FOSL2: variants seen among roughly 807,000 people sequenced by gnomAD.
The protein encoded by FOSL2 is fos-related antigen 2.
FOSL2 carries 3 observed loss-of-function variants against 27.7 expected under a neutral mutation model. That is an observed-to-expected ratio of 0.11 (90% CI 0.05 to 0.28). The LOEUF is 0.28. Ranked by LOEUF, FOSL2 falls within the 10% of genes least tolerant of loss-of-function variation. The pLI is 1.00. For synonymous variants in FOSL2, 179 were observed against 190.1 expected, an observed-to-expected ratio of 0.94 and a Z score of 0.48; for missense variants, 333 against 445.1, an observed-to-expected ratio of 0.75 and a Z score of 2.27.
chr2:28,411,584 C>T (rs1269459811), intron 3 of FOSL2, among the ~76,000 whole-genome samples: 1 of 152,202 alleles, frequency 6.6e-6, no homozygotes, highest in Non-Finnish European at 1.5e-5. Flanking sequence ...TCAGTTTCCT[C>T]ATCTGCAAAA....
At chr2:28,405,315 C>G (rs915183239) in intron 2 of FOSL2, among the ~76,000 whole-genome samples, 4 of 152,208 alleles carry the variant, frequency 2.6e-5, no homozygotes, top group African/African-American at 9.7e-5. Flanking sequence ...GAAGTCTGGG[C>G]TAGATCCCAG....
In FOSL2 at chr2:28,416,553, CT is replaced by C. The variant is rs1478054473; in HGVS notation, c.*4106del. On this transcript the variant is annotated 3_prime_UTR_variant, in exon 4 of 4. Coordinates refer to ENST00000264716, the MANE Select transcript of FOSL2 (RefSeq NM_005253.4). ...TGCTGTATAAACTGTATAAAAGGTTCTGTTTTTAAAGGTGGATTTTCATTCC... is the reference window on the plus strand; with the variant it reads ...TGCTGTATAAACTGTATAAAAGGTTCGTTTTTAAAGGTGGATTTTCATTCC... 1 of 147,548 alleles carries C rather than the reference CT, an allele frequency of 6.8e-6. No individual in the cohort carries two copies. The highest frequency in any genetic ancestry group is 2.5e-5 in the African/African-American group (1 of 39,786). 9.1% of individuals were successfully genotyped at this position (147,548 alleles called of 1,614,324 possible).
chr2:28,408,800 G>A lies in FOSL2; in HGVS notation c.396G>A (p.Glu132=). Residue 132 remains glutamate (E), a synonymous_variant, in exon 3 of 4, where the codon GAG becomes GAA. Coordinates refer to ENST00000264716, the MANE Select transcript of FOSL2 (RefSeq NM_005253.4). The surrounding 1 kb of genome is among the most constrained non-coding windows in gnomAD (Gnocchi z 4.1). ...AGGAGAAGCGTCGCATCCGGCGGGA[G>A]AGGAACAAGCTGGCTGCAGCCAAGT... The part of the protein sequence containing the change: ...EEEEKRRIRR[E]RNKLAAAKCR... 6.2e-7 allele frequency: 1 copy of A among 1,612,474 alleles called. No individual in the cohort carries two copies. Among genetic ancestry groups the A allele is most frequent in the South Asian group, 1.1e-5 (1 of 90,670 alleles).
chr2:28,411,401 C>A (rs557617530), intron 3 of FOSL2, among the ~76,000 whole-genome samples: 1 of 152,068 alleles, frequency 6.6e-6, no homozygotes. Flanking sequence ...TTCCGTACCC[C>A]CTTCTCCATG....
intron 1 of FOSL2, among the ~76,000 whole-genome samples, chr2:28,402,920 CAGAG>C (rs1028109650): frequency 2.6e-5 from 4 of 152,224 alleles, no homozygotes; most frequent in South Asian, 2.1e-4. Context: ...GTTCTTCACT[CAGAG>C]AGAGAATTAG....
chr2:28,407,311 T>A (rs2148092628), intron 2 of FOSL2, among the ~76,000 whole-genome samples: 1 of 152,312 alleles, frequency 6.6e-6, no homozygotes, highest in Middle Eastern at 3.4e-3. Flanking sequence ...CAAGACAGGT[T>A]TAGGAGCAGG....
Position 28,413,907 on chromosome 2 carries a change from A to C in FOSL2, c.*1459A>C, listed in dbSNP as rs1664259853. The C allele has an allele frequency of 1.0e-5, 4 of 398,330 alleles. No individual in the cohort carries two copies. The highest frequency in any genetic ancestry group is 2.1e-5 in the African/African-American group (1 of 48,630). The allele number at this position is 398,330 out of a possible 1,614,324, so 24.7% of individuals were successfully genotyped here. A position where few individuals can be genotyped will look rare whatever the true frequency, so the allele number is the denominator to read the frequency against. ...AGGATGTTTTGCTTCCCACTGCAGGAGAGCTGCCCCCTTTCACGGGGTTGG... is the reference window on the plus strand; with the variant it reads ...AGGATGTTTTGCTTCCCACTGCAGGCGAGCTGCCCCCTTTCACGGGGTTGG... On this transcript the variant is annotated 3_prime_UTR_variant, in exon 4 of 4. Coordinates refer to ENST00000264716, the MANE Select transcript of FOSL2 (RefSeq NM_005253.4).
At chr2:28,405,730 G>A (rs1005811507) in intron 2 of FOSL2, among the ~76,000 whole-genome samples, 2 of 66,276 alleles carry the variant, frequency 3.0e-5, no homozygotes, top group African/African-American at 8.7e-5. Flanking sequence ...GAGCCACTTG[G>A]GGAGGTGTGT....
intron 1 of FOSL2, chr2:28,394,454 T>TGCCC (rs1310310407): frequency 6.5e-6 from 1 of 153,046 alleles, no homozygotes; most frequent in Non-Finnish European, 1.5e-5. Context: ...CCTGCCTGCC[T>TGCCC]GCCCCCCCGC....
At chr2:28,397,541 T>C (rs893700945) in intron 1 of FOSL2, among the ~76,000 whole-genome samples, 3 of 152,240 alleles carry the variant, frequency 2.0e-5, no homozygotes, top group Non-Finnish European at 4.4e-5. Context: ...ATAGCAGTCA[T>C]GTATTGTCTG....
chr2:28,407,661 T>C lies in FOSL2; in HGVS notation c.355-1098T>C, dbSNP rs1013675793. On this transcript the variant is annotated intron_variant, in intron 2 of 3. Coordinates refer to ENST00000264716, the MANE Select transcript of FOSL2 (RefSeq NM_005253.4). ...CCCAGGTCTTATTCCCCTTGAGATC[T>C]TCTAAGCTCCTAGTGTAGCACCGGG... Among the ~76,000 whole-genome samples, 5 of 152,374 alleles carry C rather than the reference T, an allele frequency of 3.3e-5. No homozygotes were observed. The East Asian group carries it at 7.7e-4, about 24-fold the overall frequency.
At chr2:28,409,845 A>G (rs1379992850) in intron 3 of FOSL2, among the ~76,000 whole-genome samples, 3 of 152,168 alleles carry the variant, frequency 2.0e-5, no homozygotes, top group Non-Finnish European at 4.4e-5. Flanking sequence ...GGTTCAAGCC[A>G]TTCTCCTGCC....
In FOSL2 at chr2:28,392,936, C is replaced by T; in HGVS notation, c.-785C>T. ...GCGAACGAGCGGCGCTCGGCGGGGA[C>T]AGAAAGAGGGAGAGAGAGAGAGAGA... On this transcript the variant is annotated 5_prime_UTR_variant, in exon 1 of 4. Transcript: ENST00000264716. 1 of 707,094 alleles carries T rather than the reference C, an allele frequency of 1.4e-6. No homozygotes were observed. The allele number at this position is 707,094 out of a possible 1,614,324, so 43.8% of individuals were successfully genotyped here. A position where few individuals can be genotyped will look rare whatever the true frequency, so the allele number is the denominator to read the frequency against.
chr2:28,411,334 A>T (rs1301819451), intron 3 of FOSL2, among the ~76,000 whole-genome samples: 1 of 152,242 alleles, frequency 6.6e-6, no homozygotes, highest in East Asian at 1.9e-4. Context: ...ATCCATCCAC[A>T]GGTGGGCTGG....
intron 1 of FOSL2, among the ~76,000 whole-genome samples, chr2:28,402,266 G>C (rs11689770): frequency 0.14 from 20,892 of 152,242 alleles, 1,835 homozygotes; most frequent in Non-Finnish European, 0.2. Context: ...CATTGCACTG[G>C]GTAACTTTCC....
intron 1 of FOSL2, among the ~76,000 whole-genome samples, chr2:28,403,892 C>A (rs1327014880): frequency 2.6e-5 from 4 of 152,192 alleles, no homozygotes; most frequent in African/African-American, 9.7e-5. Flanking sequence ...AGTCAGGGAG[C>A]AGATCCGACG....
intron 3 of FOSL2, among the ~76,000 whole-genome samples, chr2:28,410,084 C>T (rs1361228077): frequency 6.6e-6 from 1 of 152,210 alleles, no homozygotes; most frequent in African/African-American, 2.4e-5. Flanking sequence ...CATCCACCCA[C>T]TTAGGCTTGT....
chr2:28,397,996 G>A (rs1663890561), intron 1 of FOSL2, among the ~76,000 whole-genome samples: 1 of 152,220 alleles, frequency 6.6e-6, no homozygotes. Flanking sequence ...GGCCTCTAGA[G>A]TCTACCTGGG....
At position 28,393,007 on chromosome 2, in the gene FOSL2, G is replaced by A. The variant is rs1357778484; in HGVS notation, c.-714G>A. 6.7e-5 allele frequency: 42 copies of A among 629,104 alleles called. No homozygotes were observed. The highest frequency in any genetic ancestry group is 1.2e-4 in the Non-Finnish European group (40 of 340,734). 39.0% of individuals were successfully genotyped at this position (629,104 alleles called of 1,614,324 possible). ...GGCGAGGCGGGCCCGTCCGGGAGCG[G>A]GCTCCGGGGAAGGGGTGCGGGTCTG... On this transcript the variant is annotated 5_prime_UTR_variant, in exon 1 of 4. Transcript: ENST00000264716. The surrounding 1 kb of genome is among the most constrained non-coding windows in gnomAD (Gnocchi z 4.6).
Sources: allele counts gnomAD v4.1 joint callset (sites outside exome capture counted in the v4.1 genomes callset), GRCh38; gene constraint gnomAD v4.1.1; non-coding constraint Gnocchi (gnomAD v3.1); transcripts MANE v1.5; gene names NCBI Gene and HGNC (gene_info 2026-07-23, HGNC 2026-07-21).